LYPD6B: variants seen among roughly 807,000 people sequenced by gnomAD.
LYPD6B encodes the protein ly6/PLAUR domain-containing protein 6B.
In LYPD6B, 17 loss-of-function variants were observed where a neutral mutation model predicts 22.8. That is an observed-to-expected ratio of 0.75 (90% CI 0.51 to 1.12). LYPD6B has a LOEUF of 1.12. Ranked by LOEUF, LYPD6B falls within the 50% of genes most tolerant of loss-of-function variation. LYPD6B has a pLI of 0.00. For synonymous variants in LYPD6B, 106 were observed against 91.6 expected (o/e 1.16, Z -0.90); for missense variants, 221 against 258.3 (o/e 0.86, Z 0.99).
intron 1 of LYPD6B, among the ~76,000 whole-genome samples, chr2:149,077,006 A>G (rs573178330): frequency 6.6e-5 from 10 of 152,294 alleles, no homozygotes; most frequent in African/African-American, 2.2e-4. Flanking sequence ...CAGTAGGTGC[A>G]GGGTTTGTAG....
Position 149,094,039 on chromosome 2 carries a change from A to C in LYPD6B, c.-66-36844A>C, listed in dbSNP as rs921533357. On this transcript the variant is annotated intron_variant, in intron 1 of 6. Transcript: ENST00000409642. ...GACTTTGATATTATGGAATGGATAG[A>C]AAGTGGTGGAACAAGAAATGGATAA... Among the ~76,000 whole-genome samples, 5 of 152,312 alleles carry C rather than the reference A, an allele frequency of 3.3e-5. 1 individual carries two copies. In the South Asian group the frequency reaches 1.0e-3, roughly 32 times the overall value.
intron 1 of LYPD6B, among the ~76,000 whole-genome samples, chr2:149,063,193 C>T (rs185072124): frequency 3.3e-5 from 5 of 152,226 alleles, no homozygotes; most frequent in Admixed American, 2.0e-4. Flanking sequence ...AGAGTGAAAA[C>T]GATGGTGCCA....
intron 1 of LYPD6B, among the ~76,000 whole-genome samples, chr2:149,107,612 A>G (rs1686542020): frequency 2.0e-5 from 3 of 152,178 alleles, no homozygotes; most frequent in African/African-American, 7.2e-5. Context: ...TTTTATTTTA[A>G]ACTTCCTCTT....
intron 5 of LYPD6B, among the ~76,000 whole-genome samples, chr2:149,209,460 G>A (rs1575185289): frequency 6.6e-6 from 1 of 152,220 alleles, no homozygotes; most frequent in African/African-American, 2.4e-5. Context: ...TAGGAGATCG[G>A]GTTGTTCAGA....
At chr2:149,077,109 G>T (rs1012178291) in intron 1 of LYPD6B, among the ~76,000 whole-genome samples, 2 of 152,200 alleles carry the variant, frequency 1.3e-5, no homozygotes, top group African/African-American at 4.8e-5. Flanking sequence ...CTGTTAGAAT[G>T]CATGGCCATG....
At chr2:149,081,313 T>G (rs1475726839) in intron 1 of LYPD6B, among the ~76,000 whole-genome samples, 1 of 152,238 alleles carries the variant, frequency 6.6e-6, no homozygotes, top group Non-Finnish European at 1.5e-5. Context: ...CCTTGAGCTC[T>G]TCACTTTCTT....
At chr2:149,162,085 T>C (rs1009100982) in intron 3 of LYPD6B, among the ~76,000 whole-genome samples, 1 of 152,096 alleles carries the variant, frequency 6.6e-6, no homozygotes, top group Non-Finnish European at 1.5e-5. Flanking sequence ...TATGGGAACA[T>C]TGGGTCATTT....
intron 2 of LYPD6B, among the ~76,000 whole-genome samples, chr2:149,141,042 A>T (rs954576946): frequency 6.6e-6 from 1 of 152,212 alleles, no homozygotes; most frequent in Non-Finnish European, 1.5e-5. Context: ...TTCTCATGGA[A>T]CTTACCTTCT....
At chr2:149,085,475 A>G (rs1002063568) in intron 1 of LYPD6B, among the ~76,000 whole-genome samples, 5 of 152,170 alleles carry the variant, frequency 3.3e-5, no homozygotes, top group African/African-American at 1.2e-4. Context: ...AGAATTGTTT[A>G]TTTTTTTCCA....
At chr2:149,101,127 C>T (rs1257380842) in intron 1 of LYPD6B, 1 of 152,238 alleles carries the variant, frequency 6.6e-6, no homozygotes, top group Non-Finnish European at 1.5e-5. Context: ...AGAGGCATAC[C>T]TCCAAATTCA....
At chr2:149,148,873 A>C (rs999826400) in intron 2 of LYPD6B, among the ~76,000 whole-genome samples, 14 of 152,192 alleles carry the variant, frequency 9.2e-5, no homozygotes, top group Non-Finnish European at 1.9e-4. Context: ...CAAGTGTTTT[A>C]CAGACTTCTA....
chr2:149,195,128 A>T (rs1222332564), intron 3 of LYPD6B, among the ~76,000 whole-genome samples: 10 of 152,004 alleles, frequency 6.6e-5, no homozygotes, highest in South Asian at 4.1e-4. Flanking sequence ...TCATTTTTTT[A>T]AAATTTGCAA....
At chr2:149,070,012 G>T (rs949219893) in intron 1 of LYPD6B, among the ~76,000 whole-genome samples, 31 of 151,838 alleles carry the variant, frequency 2.0e-4, no homozygotes, top group African/African-American at 4.8e-5. Flanking sequence ...AAAAATAATG[G>T]CTGGAGAGTT....
intron 2 of LYPD6B, among the ~76,000 whole-genome samples, chr2:149,156,693 T>C (rs1689723298): frequency 6.6e-6 from 1 of 152,172 alleles, no homozygotes; most frequent in Non-Finnish European, 1.5e-5. Flanking sequence ...TATGACCTCA[T>C]TTTAAATTAA....
chr2:149,161,189 G>A (rs148195211), intron 3 of LYPD6B, among the ~76,000 whole-genome samples: 1 of 152,258 alleles, frequency 6.6e-6, no homozygotes, highest in East Asian at 1.9e-4. Context: ...CGGGGGTGTG[G>A]AGCAATGTTC....
intron 3 of LYPD6B, among the ~76,000 whole-genome samples, chr2:149,202,583 G>A (rs1693232442): frequency 6.6e-6 from 1 of 152,134 alleles, no homozygotes; most frequent in African/African-American, 2.4e-5. Context: ...TGAAACTTAT[G>A]ACTATCTGAA....
chr2:149,064,792 G>T (rs2105333748), intron 1 of LYPD6B, among the ~76,000 whole-genome samples: 1 of 152,292 alleles, frequency 6.6e-6, no homozygotes, highest in Non-Finnish European at 1.5e-5. Context: ...CATCTGAATG[G>T]TTAATTAAGT....
At chr2:149,204,344 G>A (rs1295482258) in intron 3 of LYPD6B, among the ~76,000 whole-genome samples, 2 of 152,184 alleles carry the variant, frequency 1.3e-5, no homozygotes, top group South Asian at 2.1e-4. Context: ...TTTTTCTGCT[G>A]CCCACACCTC....
In LYPD6B at chr2:149,125,655, C is replaced by T. The variant is rs147882087; in HGVS notation, c.-66-5228C>T. 1.1e-4 allele frequency among the ~76,000 whole-genome samples: 16 copies of T among 152,238 alleles called. No individual in the cohort carries two copies. The East Asian group carries it at 1.5e-3, about 15-fold the overall frequency. ...CATTTCCAAAGAACTCAGGCATCTTCGAGTACCTTAACTCCAATCACTCTC... is the reference window on the plus strand; with the variant it reads ...CATTTCCAAAGAACTCAGGCATCTTTGAGTACCTTAACTCCAATCACTCTC... On this transcript the variant is annotated intron_variant, in intron 1 of 6. Coordinates refer to ENST00000409642, the MANE Select transcript of LYPD6B (RefSeq NM_177964.5).
Sources: gnomAD v4.1 joint callset for allele counts (sites outside exome capture counted in the v4.1 genomes callset) on GRCh38, gnomAD v4.1.1 for gene constraint, MANE v1.5 for transcripts, NCBI Gene and HGNC (gene_info 2026-07-23, HGNC 2026-07-21) for gene names.